The following SPATA7 variants were observed in gnomAD, a reference collection of about 807,000 sequenced individuals.
The protein encoded by SPATA7 is spermatogenesis associated 7.
In SPATA7, 43 loss-of-function variants were observed where a neutral mutation model predicts 51.8. That is an observed-to-expected ratio of 0.83 (90% confidence interval 0.65 to 1.07). The LOEUF (loss-of-function observed/expected upper bound fraction) is 1.07. Ranked by LOEUF, SPATA7 falls within the 50% of genes least tolerant of loss-of-function variation. The pLI is 0.00. For synonymous variants in SPATA7, 230 were observed against 252.8 expected (o/e 0.91, Z 0.86); for missense variants, 683 against 701.3 (o/e 0.97, Z 0.30).
chr14:88,462,526 A>T (rs935906471), intron 4 of SPATA7, among the ~76,000 whole-genome samples: 1 of 152,240 alleles, frequency 6.6e-6, no homozygotes, highest in Non-Finnish European at 1.5e-5. Context: ...GCACACTTAA[A>T]TGTCAGTGGT....
intron 3 of SPATA7, among the ~76,000 whole-genome samples, chr14:88,451,504 T>C (rs745813003): frequency 2.0e-5 from 3 of 151,302 alleles, no homozygotes; most frequent in Non-Finnish European, 4.4e-5. Context: ...TCACTGGAGA[T>C]TTTTCCATTC....
chr14:88,431,321 C>CT (rs1433310313), intron 9 of SPATA7, 96 bp downstream of exon 9: 20 of 1,239,822 alleles, frequency 1.6e-5, no homozygotes, highest in Non-Finnish European at 2.2e-5. Context: ...ACAATAATCT[C>CT]TTTTTTTAAA....
chr14:88,398,383 A>G (rs2075957440), intron 4 of SPATA7, among the ~76,000 whole-genome samples: 1 of 151,106 alleles, frequency 6.6e-6, no homozygotes, highest in East Asian at 2.0e-4. Context: ...ACAAGACCAA[A>G]AAACTAAACA....
At chr14:88,422,324 A>G (rs909956197) in intron 5 of SPATA7, among the ~76,000 whole-genome samples, 1 of 152,210 alleles carries the variant, frequency 6.6e-6, no homozygotes, top group Non-Finnish European at 1.5e-5. Flanking sequence ...AAGACCAGCA[A>G]TAGAGCTGCT....
At chr14:88,451,024 T>C (rs769599070) in intron 3 of SPATA7, among the ~76,000 whole-genome samples, 1 of 152,252 alleles carries the variant, frequency 6.6e-6, no homozygotes, top group Non-Finnish European at 1.5e-5. Context: ...CTTTGTCAGA[T>C]TGGGCTAATT....
intron 4 of SPATA7, among the ~76,000 whole-genome samples, chr14:88,402,630 A>G (rs1340910358): frequency 6.6e-6 from 1 of 152,144 alleles, no homozygotes; most frequent in Non-Finnish European, 1.5e-5. Context: ...CCATAGACAA[A>G]AATCAACTCA....
Position 88,446,269 on chromosome 14 carries a change from A to G in SPATA7, c.177+8366A>G, listed in dbSNP as rs1160750663. Reference sequence around the variant, plus strand: ...CTTCTAGATTTTCTAGTTTATTTGCATAGAGGTGTTTGTAGTATTCTCTGA... The same window carrying G: ...CTTCTAGATTTTCTAGTTTATTTGCGTAGAGGTGTTTGTAGTATTCTCTGA... On this transcript the variant is annotated intron_variant, in intron 3 of 3. Transcript: ENST00000554802. 7.9e-5 allele frequency among the ~76,000 whole-genome samples: 12 copies of G among 152,138 alleles called. No homozygotes were observed. In the East Asian group the frequency reaches 2.3e-3, roughly 29 times the overall value.
At chr14:88,456,123 CATT>C (rs879282946), downstream of SPATA7, among the ~76,000 whole-genome samples, 3 of 152,092 alleles carry the variant, frequency 2.0e-5, no homozygotes, top group Non-Finnish European at 4.4e-5. Context: ...TCTAGTCTAT[CATT>C]GATGGACATT....
At chr14:88,410,278 T>C (rs2076304765) in intron 4 of SPATA7, among the ~76,000 whole-genome samples, 1 of 152,222 alleles carries the variant, frequency 6.6e-6, no homozygotes, top group South Asian at 2.1e-4. Flanking sequence ...TGCTCCTGTA[T>C]TGGGTGCATA....
At chr14:88,398,968 C>T (rs1278436234) in intron 4 of SPATA7, among the ~76,000 whole-genome samples, 5 of 150,722 alleles carry the variant, frequency 3.3e-5, no homozygotes, top group African/African-American at 1.2e-4. Context: ...AGGAGAATGG[C>T]GTGAACCCAG....
At chr14:88,392,546 C>G (rs1033796002) in intron 2 of SPATA7, among the ~76,000 whole-genome samples, 1 of 152,000 alleles carries the variant, frequency 6.6e-6, no homozygotes, top group Non-Finnish European at 1.5e-5. Context: ...GCATCAAGCT[C>G]GTAATTATTG....
At chr14:88,447,079 TG>T (rs1232343054) in intron 3 of SPATA7, among the ~76,000 whole-genome samples, 1 of 151,538 alleles carries the variant, frequency 6.6e-6, no homozygotes, top group African/African-American at 2.4e-5. Context: ...ATGTTGACAG[TG>T]GGGTGTTAAA....
At chr14:88,443,799 C>T (rs534614288) in intron 3 of SPATA7, among the ~76,000 whole-genome samples, 1 of 152,182 alleles carries the variant, frequency 6.6e-6, no homozygotes, top group Non-Finnish European at 1.5e-5. Context: ...CATGTTCCCA[C>T]AAAGGACATA....
chr14:88,420,507 T>C (rs1443595455), intron 5 of SPATA7, among the ~76,000 whole-genome samples: 1 of 152,196 alleles, frequency 6.6e-6, no homozygotes, highest in Admixed American at 6.5e-5. Flanking sequence ...GTGAGAGCTG[T>C]GTTCTTTCCA....
At chr14:88,418,345 A>G (rs1449999449) in intron 5 of SPATA7, among the ~76,000 whole-genome samples, 2 of 152,000 alleles carry the variant, frequency 1.3e-5, no homozygotes, top group African/African-American at 4.8e-5. Context: ...CTTCTTTGCT[A>G]GTGTAAGCAT....
intron 5 of SPATA7, among the ~76,000 whole-genome samples, chr14:88,419,258 A>G (rs2076570123): frequency 6.6e-6 from 1 of 152,124 alleles, no homozygotes; most frequent in South Asian, 2.1e-4. Flanking sequence ...CAGAATACAG[A>G]TTTAGAAAAT....
intron 8 of SPATA7, 62 bp downstream of exon 8, chr14:88,429,525 A>G: frequency 2.8e-6 from 3 of 1,077,396 alleles, no homozygotes. Flanking sequence ...TATAACAGAC[A>G]TATAGTATTT....
At chr14:88,468,615 G>A (rs929614380) in intron 4 of SPATA7, among the ~76,000 whole-genome samples, 2 of 152,196 alleles carry the variant, frequency 1.3e-5, no homozygotes, top group Non-Finnish European at 2.9e-5. Context: ...GCTCTGGGCA[G>A]CATGAATCAT....
At chr14:88,468,314 CAG>C in intron 4 of SPATA7, 1 of 1,506,856 alleles carries the variant, frequency 6.6e-7, no homozygotes, top group Non-Finnish European at 8.9e-7. Context: ...CCTGGGGAGA[CAG>C]AAAGGATGGG....
Sources: allele counts gnomAD v4.1 joint callset (sites outside exome capture counted in the v4.1 genomes callset), GRCh38; gene constraint gnomAD v4.1.1; transcripts MANE v1.5; gene names NCBI Gene and HGNC (gene_info 2026-07-23, HGNC 2026-07-21).